Variants in CCNB3 observed in about 807,000 individuals in gnomAD.
CCNB3 encodes the protein cyclin B3.
Under a neutral mutation model 68.0 loss-of-function variants are expected in CCNB3, and 12 were observed. The ratio of observed to expected loss-of-function variants is 0.18; its 90% CI spans 0.11 to 0.29. The LOEUF is 0.29. Ranked by LOEUF, CCNB3 falls within the 10% of genes least tolerant of loss-of-function variation. The pLI is 1.00. For synonymous variants in CCNB3, 354 were observed against 388.9 expected, an observed-to-expected ratio of 0.91 and a Z score of 1.06; for missense variants, 904 against 993.1, an observed-to-expected ratio of 0.91 and a Z score of 1.21.
intron 1 of CCNB3, among the ~76,000 whole-genome samples, chrX:50,226,932 T>G (rs1935851046): frequency 1.7e-5 from 1 of 57,466 alleles, no homozygotes; most frequent in East Asian, 4.6e-4. Context: ...AGAATATATA[T>G]AGTATATATA....
Position 50,288,896 on chromosome X carries a change from G to T in CCNB3, c.204+9G>T, listed in dbSNP as rs1557209735. 9.1e-7 allele frequency: 1 copy of T among 1,098,709 alleles called. No individual in the cohort carries two copies. The allele number at this position is 1,098,709 out of a possible 1,213,427, so 90.5% of individuals were successfully genotyped here. On this transcript the variant is annotated intron_variant, in intron 4 of 12. Transcript: ENST00000376042. ...TTGAAGATCTCACTAATGTGAGTATGCTAGTCCAATCCTTTGCTATGGTTT... is the reference window on the plus strand; with the variant it reads ...TTGAAGATCTCACTAATGTGAGTATTCTAGTCCAATCCTTTGCTATGGTTT...
intron 1 of CCNB3, among the ~76,000 whole-genome samples, chrX:50,222,099 T>C (rs1308412132): frequency 2.7e-5 from 3 of 111,170 alleles, no homozygotes; most frequent in African/African-American, 9.8e-5. Context: ...CCCTGCTTTT[T>C]TTGCTTTTAA....
At chrX:50,315,259 A>G (rs992240317) in intron 8 of CCNB3, among the ~76,000 whole-genome samples, 1 of 111,526 alleles carries the variant, frequency 9.0e-6, no homozygotes, top group Non-Finnish European at 1.9e-5. Flanking sequence ...CACAAGTTAT[A>G]TCAATGTATA....
intron 8 of CCNB3, among the ~76,000 whole-genome samples, chrX:50,340,888 G>C (rs963792938): frequency 9.0e-6 from 1 of 111,551 alleles, no homozygotes; most frequent in Non-Finnish European, 1.9e-5. Flanking sequence ...ATTAAACAAC[G>C]TGCCCCTGAA....
chrX:50,228,814 T>C (rs1238781686), intron 1 of CCNB3, among the ~76,000 whole-genome samples: 3 of 76,122 alleles, frequency 3.9e-5, no homozygotes, highest in Admixed American at 1.9e-4. Flanking sequence ...ATATAGAATA[T>C]ATATATAGAA....
chrX:50,306,666 C>A (rs1319917045), intron 5 of CCNB3, among the ~76,000 whole-genome samples: 2 of 111,726 alleles, frequency 1.8e-5, no homozygotes, highest in Non-Finnish European at 3.8e-5. Flanking sequence ...TTGTTAAGTG[C>A]TTTTTATCAT....
rs73213610 is a variant in CCNB3 at position 50,310,275 on chromosome X, C to T, written c.2106C>T (p.Ala702=). ...EALVLQEKTD[A]EEDSLKNLLA... is the part of the protein sequence containing the mutation. ...TGGTCTTGCAAGAGAAGACTGATGC[C>T]GAAGAGGATTCCTTGAAGAACTTGT... Residue 702 remains alanine, a synonymous_variant, in exon 6 of 13, where the codon GCC becomes GCT. Coordinates refer to ENST00000376042, the MANE Select transcript of CCNB3 (RefSeq NM_033031.3). 5.9e-4 allele frequency: 719 copies of T among 1,209,518 alleles called. 2 individuals are homozygous for T. The highest frequency in any genetic ancestry group is 1.2e-3 in the South Asian group (69 of 56,671).
chrX:50,348,467 A>C (rs1557220701), intron 11 of CCNB3, among the ~76,000 whole-genome samples: 1 of 111,759 alleles, frequency 8.9e-6, no homozygotes, highest in Non-Finnish European at 1.9e-5. Flanking sequence ...CTACCTAAAA[A>C]TCCTGGAGCC....
intron 2 of CCNB3, 62 bp from the exon 3 acceptor site, chrX:50,285,065 A>C: frequency 1.5e-6 from 1 of 654,835 alleles, no homozygotes; most frequent in Admixed American, 2.6e-5. Context: ...TTTCTCAAGA[A>C]TTTTCAGAGA....
In CCNB3 at chrX:50,313,902, C is replaced by T; in HGVS notation, c.3470C>T (p.Thr1157Ile). Residue 1157 changes from threonine to isoleucine, a missense_variant, in exon 8 of 13, where the codon ACC (threonine) becomes ATC (isoleucine). Physicochemically the swap from Thr to Ile is moderately conservative, Grantham distance 89. Transcript: ENST00000376042. The stretch of plus-strand genomic sequence containing the variant: ...TACATGAACAGGCAGATTGAAATCA[C>T]CAGTGACATGAGGGCCATTCTTGTG... ...TDYMNRQIEI[T>I]SDMRAILVDW... 1 of 1,210,261 alleles carries T rather than the reference C, an allele frequency of 8.3e-7. No individual in the cohort carries two copies. The highest frequency in any genetic ancestry group is 1.1e-6 in the Non-Finnish European group (1 of 894,260).
chrX:50,313,662 A>C (rs1013038502), intron 7 of CCNB3, among the ~76,000 whole-genome samples, 194 bp from the exon 8 acceptor site: 2 of 111,683 alleles, frequency 1.8e-5, no homozygotes, highest in Admixed American at 1.9e-4. Flanking sequence ...ATCCACTCTG[A>C]CACTTGAATA....
chrX:50,317,341 A>G (rs1031956430), intron 8 of CCNB3, among the ~76,000 whole-genome samples: 6 of 111,511 alleles, frequency 5.4e-5, no homozygotes, highest in African/African-American at 2.0e-4. Flanking sequence ...TATGTGATTT[A>G]TAAATATATC....
rs373813795 is a variant in CCNB3, at chrX:50,347,801, A to C, written c.3960+26A>C. The C allele has an allele frequency of 1.8e-4, 210 of 1,180,782 alleles. 1 individual carries two copies. In the African/African-American group the frequency reaches 3.3e-3, roughly 18 times the overall value. On this transcript the variant is annotated intron_variant, in intron 11 of 12. Transcript: ENST00000376042. ...GTAAACACTTGCGAGATAGGGGTAT[A>C]GGGGTAGAGATTTAAAAAGCAGAAG...
chrX:50,327,862 G>C (rs1458273503), intron 8 of CCNB3, among the ~76,000 whole-genome samples: 1 of 111,482 alleles, frequency 9.0e-6, no homozygotes, highest in Non-Finnish European at 1.9e-5. Flanking sequence ...AATTAAGGTT[G>C]CTATCAGCTT....
chrX:50,311,264 C>G lies in CCNB3; in HGVS notation c.3095C>G (p.Ala1032Gly). 2 of 1,211,008 alleles carry G rather than the reference C, an allele frequency of 1.7e-6. No homozygotes were observed. The highest frequency in any genetic ancestry group is 1.1e-6 in the Non-Finnish European group (1 of 895,235). The change falls in exon 6 of 13, where the codon GCC becomes GGC. Residue 1032 changes from alanine to glycine, a missense_variant. Coordinates refer to ENST00000376042, the MANE Select transcript of CCNB3 (RefSeq NM_033031.3). The part of the protein sequence containing the change: ...GKELSFKEPL[A>G]LQESPTCKED... ...GAGTTGTCCTTCAAGGAGCCATTGG[C>G]CTTACAAGAGAGTCCCACCTGCAAG...
chrX:50,294,792 G>T (rs181199953), intron 4 of CCNB3, 71 bp from the exon 5 acceptor site: 21 of 1,113,933 alleles, frequency 1.9e-5, no homozygotes, highest in Middle Eastern at 5.1e-4. Flanking sequence ...CACCTTTTAG[G>T]TAATTTGTGG....
chrX:50,214,615 TATA>T (rs1190886984), intron 1 of CCNB3, among the ~76,000 whole-genome samples: 2 of 97,202 alleles, frequency 2.1e-5, no homozygotes, highest in East Asian at 3.2e-4. Flanking sequence ...TTAAATAGTA[TATA>T]ATATTGTATT....
intron 8 of CCNB3, among the ~76,000 whole-genome samples, chrX:50,321,255 T>A (rs1038526646): frequency 5.4e-5 from 6 of 111,924 alleles, no homozygotes; most frequent in Non-Finnish European, 1.1e-4. Flanking sequence ...TTTTTTACCA[T>A]CTGATAAGTG....
intron 9 of CCNB3, among the ~76,000 whole-genome samples, chrX:50,343,508 A>G (rs975432437): frequency 8.9e-6 from 1 of 112,137 alleles, no homozygotes; most frequent in Non-Finnish European, 1.9e-5. Flanking sequence ...ATTTAAGACC[A>G]GCTTGGGGAA....
Sources: allele counts gnomAD v4.1 joint callset (sites outside exome capture counted in the v4.1 genomes callset), GRCh38; gene constraint gnomAD v4.1.1; transcripts MANE v1.5; gene names NCBI Gene and HGNC (gene_info 2026-07-23, HGNC 2026-07-21).